CACNA2D3: variants seen among roughly 807,000 people sequenced by gnomAD.
The protein encoded by CACNA2D3 is voltage-dependent calcium channel subunit alpha-2/delta-3.
CACNA2D3 carries 60 observed loss-of-function variants against 160.6 expected under a neutral mutation model. The observed-to-expected ratio is 0.37, with a 90% confidence interval of 0.30 to 0.46. The LOEUF is 0.46. CACNA2D3 is among the 20% of genes least tolerant of loss of function. The pLI is 1.00. For synonymous variants in CACNA2D3, 558 were observed against 492.9 expected (o/e 1.13, Z -1.75); for missense variants, 1,205 against 1,365.0 (o/e 0.88, Z 1.85).
chr3:54,815,135 T>G (rs1703418606), intron 13 of CACNA2D3, among the ~76,000 whole-genome samples: 1 of 152,226 alleles, frequency 6.6e-6, no homozygotes, highest in African/African-American at 2.4e-5. Flanking sequence ...TTTTCTGAAC[T>G]CTTGAAAAGC....
chr3:54,974,005 A>G (rs760475546), intron 29 of CACNA2D3, among the ~76,000 whole-genome samples: 13 of 152,086 alleles, frequency 8.5e-5, no homozygotes, highest in Non-Finnish European at 1.5e-4. Flanking sequence ...CTCCCCACAA[A>G]TGAAGACAAC....
chr3:54,166,776 TC>T (rs1169817628), intron 2 of CACNA2D3, among the ~76,000 whole-genome samples: 3 of 152,188 alleles, frequency 2.0e-5, no homozygotes, highest in Non-Finnish European at 4.4e-5. Context: ...TTATGAGACT[TC>T]CATGACAATA....
intron 11 of CACNA2D3, among the ~76,000 whole-genome samples, chr3:54,668,047 A>G (rs1700099748): frequency 6.6e-6 from 1 of 152,210 alleles, no homozygotes. Context: ...TTATTCCGAA[A>G]TTCAGAAGGC....
intron 27 of CACNA2D3, among the ~76,000 whole-genome samples, chr3:54,942,763 A>G (rs145488229): frequency 0.023 from 3,478 of 152,024 alleles, 133 homozygotes; most frequent in African/African-American, 0.076. Context: ...AGTGGCTCAC[A>G]CCTGTAATCC....
intron 4 of CACNA2D3, among the ~76,000 whole-genome samples, chr3:54,407,988 C>G (rs1306776172): frequency 6.6e-6 from 1 of 152,136 alleles, no homozygotes; most frequent in Non-Finnish European, 1.5e-5. Context: ...TGTTAATGGC[C>G]TCCTGTGTAT....
chr3:54,344,642 T>C (rs1698424210), intron 3 of CACNA2D3, among the ~76,000 whole-genome samples: 1 of 152,222 alleles, frequency 6.6e-6, no homozygotes, highest in East Asian at 1.9e-4. Flanking sequence ...GTGACGTCTA[T>C]GTAGAAATTG....
intron 29 of CACNA2D3, among the ~76,000 whole-genome samples, chr3:54,973,110 G>T (rs184900390): frequency 7.9e-5 from 12 of 152,236 alleles, no homozygotes; most frequent in African/African-American, 2.6e-4. Flanking sequence ...GCCAAAGAAG[G>T]AGATGATATT....
intron 4 of CACNA2D3, among the ~76,000 whole-genome samples, chr3:54,493,922 GA>G (rs370721391): frequency 6.6e-6 from 1 of 152,244 alleles, no homozygotes; most frequent in Non-Finnish European, 1.5e-5. Context: ...ACCCTTGACA[GA>G]AAAAGTTTGC....
chr3:54,376,393 T>A (rs992115213), intron 3 of CACNA2D3, among the ~76,000 whole-genome samples: 1 of 152,242 alleles, frequency 6.6e-6, no homozygotes, highest in African/African-American at 2.4e-5. Context: ...TTCATAGTGC[T>A]ATAACCTCTC....
At chr3:54,299,147 G>C (rs1703413110) in intron 2 of CACNA2D3, among the ~76,000 whole-genome samples, 1 of 151,688 alleles carries the variant, frequency 6.6e-6, no homozygotes, top group Non-Finnish European at 1.5e-5. Flanking sequence ...GTGAGAACTT[G>C]GTTGGTTTGT....
chr3:54,888,142 G>A, intron 24 of CACNA2D3, 90 bp downstream of exon 24: 1 of 1,018,994 alleles, frequency 9.8e-7, no homozygotes, highest in Non-Finnish European at 1.5e-6. Flanking sequence ...AACTGTTTTA[G>A]GAACCTGGTG....
At chr3:54,893,886 A>C (rs1381113618) in intron 25 of CACNA2D3, among the ~76,000 whole-genome samples, 1 of 152,102 alleles carries the variant, frequency 6.6e-6, no homozygotes. Context: ...GAAGATGACC[A>C]CTTTACCCCT....
At chr3:54,135,653 C>G (rs1273577579) in intron 2 of CACNA2D3, among the ~76,000 whole-genome samples, 4 of 152,220 alleles carry the variant, frequency 2.6e-5, no homozygotes, top group Non-Finnish European at 5.9e-5. Context: ...TGTGACTCCT[C>G]CTTGGAGCTA....
chr3:54,867,195 C>T lies in CACNA2D3; in HGVS notation c.1627-4344C>T, dbSNP rs11130437. ...AGCCGAGGGACCTGGGATTTGTCCCCTTTTAAAACTGCATGGGAGAAGGGA... is the reference window on the plus strand; with the variant it reads ...AGCCGAGGGACCTGGGATTTGTCCCTTTTTAAAACTGCATGGGAGAAGGGA... On this transcript the variant is annotated intron_variant, in intron 17 of 37. Coordinates refer to ENST00000474759, the MANE Select transcript of CACNA2D3 (RefSeq NM_018398.3). Among the ~76,000 whole-genome samples, 334 of 152,240 alleles carry T rather than the reference C, an allele frequency of 2.2e-3. 1 individual carries two copies. Among genetic ancestry groups the T allele is most frequent in the African/African-American group, 7.8e-3 (323 of 41,538 alleles).
intron 13 of CACNA2D3, among the ~76,000 whole-genome samples, chr3:54,811,828 A>G (rs533192300): frequency 3.0e-4 from 46 of 152,188 alleles, no homozygotes; most frequent in Non-Finnish European, 4.7e-4. Context: ...AGACCATTCA[A>G]TAGTCTGGTC....
At chr3:54,602,530 A>AGG in intron 9 of CACNA2D3, among the ~76,000 whole-genome samples, 2 of 151,476 alleles carry the variant, frequency 1.3e-5, no homozygotes, top group South Asian at 2.1e-4. Flanking sequence ...AAGGGAAAAA[A>AGG]GAAAAAAGAG....
chr3:54,156,973 A>G (rs549248961), intron 2 of CACNA2D3, among the ~76,000 whole-genome samples: 12 of 152,328 alleles, frequency 7.9e-5, no homozygotes, highest in African/African-American at 2.6e-4. Flanking sequence ...TAGTACATTA[A>G]CTGTATTAGT....
chr3:54,954,610 A>T (rs1701835902), intron 27 of CACNA2D3, among the ~76,000 whole-genome samples: 1 of 152,104 alleles, frequency 6.6e-6, no homozygotes. Flanking sequence ...AGGAGGCTGG[A>T]GGTAGGGTGT....
chr3:54,492,447 C>G (rs1057097331), intron 4 of CACNA2D3, among the ~76,000 whole-genome samples: 1 of 152,198 alleles, frequency 6.6e-6, no homozygotes, highest in African/African-American at 2.4e-5. Flanking sequence ...TTTCCCTTAT[C>G]CCAGGCCATA....
Sources: allele counts gnomAD v4.1 joint callset (sites outside exome capture counted in the v4.1 genomes callset), GRCh38; gene constraint gnomAD v4.1.1; transcripts MANE v1.5; gene names NCBI Gene and HGNC (gene_info 2026-07-23, HGNC 2026-07-21).